Variants in CLDN1 observed in about 807,000 individuals in gnomAD.
CLDN1 encodes claudin-1.
A neutral mutation model predicts 22.6 loss-of-function variants in CLDN1; 12 were observed. That is an observed-to-expected ratio of 0.53 (90% CI 0.34 to 0.86). CLDN1 has a LOEUF of 0.86. Among genes scored for constraint, CLDN1 ranks in the 40% least tolerant of loss-of-function variants. CLDN1 has a pLI of 0.02. For missense variants in CLDN1, 250 were observed against 269.5 expected (o/e 0.93, Z 0.51); for synonymous variants, 99 against 103.8 (o/e 0.95, Z 0.28).
intron 1 of CLDN1, 41 bp downstream of exon 1, chr3:190,321,943 G>C (rs1716932638): frequency 9.9e-6 from 15 of 1,521,494 alleles, no homozygotes; most frequent in Non-Finnish European, 1.4e-5. Flanking sequence ...CAGGGGGACT[G>C]GGGCCTCTGG....
chr3:190,309,053 G>C (rs1716537856), intron 3 of CLDN1, among the ~76,000 whole-genome samples: 1 of 152,100 alleles, frequency 6.6e-6, no homozygotes, highest in African/African-American at 2.4e-5. Flanking sequence ...AGAAGGGTTG[G>C]TTCTATAAGT....
intron 1 of CLDN1, among the ~76,000 whole-genome samples, chr3:190,319,273 T>C (rs1282480165): frequency 6.6e-6 from 1 of 152,186 alleles, no homozygotes; most frequent in Non-Finnish European, 1.5e-5. Context: ...TCTGGCACTT[T>C]TTGTATATTC....
At position 190,306,181 on chromosome 3, in the gene CLDN1, T is replaced by C. The variant is rs1224772520; in HGVS notation, c.*2096A>G. ...ACAGATAGCACCTTATGAGTTATTA[T>C]GATTCAAAAATCTCCCTTGCTGTTG... On this transcript the variant is annotated 3_prime_UTR_variant, in exon 4 of 4. Coordinates refer to ENST00000295522, the MANE Select transcript of CLDN1 (RefSeq NM_021101.5). 6.6e-6 allele frequency: 1 copy of C among 152,200 alleles called. No homozygotes were observed. Among genetic ancestry groups the C allele is most frequent in the Non-Finnish European group, 1.5e-5 (1 of 68,034 alleles). The allele number at this position is 152,200 out of a possible 1,614,324, so 9.4% of individuals were successfully genotyped here.
intron 1 of CLDN1, among the ~76,000 whole-genome samples, chr3:190,313,478 AC>A (rs1461937367): frequency 6.6e-6 from 1 of 152,198 alleles, no homozygotes; most frequent in Non-Finnish European, 1.5e-5. Flanking sequence ...GATATTAGTC[AC>A]CAGCTTTACA....
intron 2 of CLDN1, among the ~76,000 whole-genome samples, chr3:190,312,026 G>T (rs1716634915): frequency 6.6e-6 from 1 of 151,368 alleles, no homozygotes; most frequent in Non-Finnish European, 1.5e-5. Context: ...CGGCTCCCGA[G>T]TTGAGGTGAT....
intron 2 of CLDN1, among the ~76,000 whole-genome samples, chr3:190,311,351 G>C (rs527498553): frequency 1.3e-5 from 2 of 152,212 alleles, no homozygotes; most frequent in East Asian, 1.9e-4. Flanking sequence ...TAAATTATTG[G>C]GAATAAGACA....
intron 1 of CLDN1, among the ~76,000 whole-genome samples, chr3:190,320,288 G>C (rs1456982284): frequency 6.6e-6 from 1 of 152,188 alleles, no homozygotes; most frequent in Non-Finnish European, 1.5e-5. Context: ...ATTTTGATCA[G>C]AGGAATAAAA....
intron 1 of CLDN1, among the ~76,000 whole-genome samples, chr3:190,315,467 A>C (rs1716741105): frequency 6.6e-6 from 1 of 152,168 alleles, no homozygotes; most frequent in African/African-American, 2.4e-5. Context: ...AAGAAGATGG[A>C]TTCTATTCTA....
At chr3:190,312,237 A>C (rs943712290) in intron 2 of CLDN1, among the ~76,000 whole-genome samples, 1 of 152,068 alleles carries the variant, frequency 6.6e-6, no homozygotes, top group African/African-American at 2.4e-5. Flanking sequence ...GGCCTAAAAA[A>C]CACGTATTTA....
rs1309363432 is a variant in CLDN1, at chr3:190,307,969, T to C, written c.*308A>G. 4.5e-6 allele frequency: 1 copy of C among 220,954 alleles called. No individual in the cohort carries two copies. The highest frequency in any genetic ancestry group is 7.5e-5 in the South Asian group (1 of 13,260). The allele number at this position is 220,954 out of a possible 1,614,324, so 13.7% of individuals were successfully genotyped here. A position where few individuals can be genotyped will look rare whatever the true frequency, so the allele number is the denominator to read the frequency against. On this transcript the variant is annotated 3_prime_UTR_variant, in exon 4 of 4. Transcript: ENST00000295522. The stretch of plus-strand genomic sequence containing the variant: ...ACTGTCTATTTTTAATAGAAAAACA[T>C]GTATATATACATATCTATATATATT...
At chr3:190,319,143 A>G (rs1716850318) in intron 1 of CLDN1, among the ~76,000 whole-genome samples, 1 of 152,192 alleles carries the variant, frequency 6.6e-6, no homozygotes. Flanking sequence ...ATTAAAGTCA[A>G]GTAAGAAGAA....
chr3:190,322,307 G>T lies in CLDN1; in HGVS notation c.-101C>A. The T allele has an allele frequency of 1.8e-6, 2 of 1,083,896 alleles. No individual in the cohort carries two copies. The highest frequency in any genetic ancestry group is 1.4e-6 in the Non-Finnish European group (1 of 728,036). The allele number at this position is 1,083,896 out of a possible 1,614,324, so 67.1% of individuals were successfully genotyped here. A position where few individuals can be genotyped will look rare whatever the true frequency, so the allele number is the denominator to read the frequency against. Reference sequence around the variant, plus strand: ...ACTCCCGAAGGTGGCTGGGCCCCGCGGAGGAAGTTAAGGCGGGGAGCCCTG... The same window carrying T: ...ACTCCCGAAGGTGGCTGGGCCCCGCTGAGGAAGTTAAGGCGGGGAGCCCTG... On this transcript the variant is annotated 5_prime_UTR_variant, in exon 1 of 4. Coordinates refer to ENST00000295522, the MANE Select transcript of CLDN1 (RefSeq NM_021101.5).
At position 190,312,878 on chromosome 3, in the gene CLDN1, G is replaced by A. The variant is rs184529311; in HGVS notation, c.382C>T (p.Leu128Phe). Reference protein sequence around the residue: ...MAVIGGAIFLLAGLAILVATA... With the variant: ...MAVIGGAIFLFAGLAILVATA... ...GGGGCACAGCCTCTATTACCTGCAAGAAGAAATATCGCACCCCCAATGACA... is the reference window on the plus strand; with the variant it reads ...GGGGCACAGCCTCTATTACCTGCAAAAAGAAATATCGCACCCCCAATGACA... The change falls in exon 2 of 4, where the codon CTT becomes TTT. Residue 128 changes from leucine (L) to phenylalanine (F), a missense_variant. Physicochemically the swap from Leu to Phe is conservative, Grantham distance 22. Coordinates refer to ENST00000295522, the MANE Select transcript of CLDN1 (RefSeq NM_021101.5). 2.7e-5 allele frequency: 44 copies of A among 1,614,120 alleles called. No individual in the cohort carries two copies. In the Admixed American group the frequency reaches 6.3e-4, roughly 23 times the overall value.
At chr3:190,314,955 G>C (rs745484122) in intron 1 of CLDN1, among the ~76,000 whole-genome samples, 3 of 152,130 alleles carry the variant, frequency 2.0e-5, no homozygotes, top group Non-Finnish European at 4.4e-5. Flanking sequence ...AGGTTTACCA[G>C]GAAGGAACTG....
chr3:190,318,725 C>G (rs369067150), intron 1 of CLDN1, among the ~76,000 whole-genome samples: 12 of 152,336 alleles, frequency 7.9e-5, no homozygotes, highest in South Asian at 2.1e-4. Flanking sequence ...AATGGCCCTT[C>G]GAGTACCCTC....
At chr3:190,321,197 T>C (rs1214969004) in intron 1 of CLDN1, among the ~76,000 whole-genome samples, 1 of 152,190 alleles carries the variant, frequency 6.6e-6, no homozygotes, top group African/African-American at 2.4e-5. Context: ...TGCATTTCCC[T>C]TCAGTGCCTT....
chr3:190,322,121 TG>T lies in CLDN1; in HGVS notation c.85del (p.Gln29SerfsTer13). 1 of 1,614,172 alleles carries T rather than the reference TG, an allele frequency of 6.2e-7. No individual in the cohort carries two copies. Among genetic ancestry groups the T allele is most frequent in the South Asian group, 1.1e-5 (1 of 91,084 alleles). ...GCCGGCATAGGAGTAAATCCTCCAC[TG>T]GGGCAGGGCAGTGCTGACGATGGCG... The part of the protein sequence containing the change: ...IGAIVSTALP[Q>X]WRIYSYAGDN... On this transcript the variant is annotated frameshift_variant, in exon 1 of 4. Coordinates refer to ENST00000295522, the MANE Select transcript of CLDN1 (RefSeq NM_021101.5). LOFTEE classifies it high-confidence loss of function.
intron 1 of CLDN1, among the ~76,000 whole-genome samples, chr3:190,314,533 T>C (rs568813182): frequency 1.3e-5 from 2 of 151,338 alleles, no homozygotes; most frequent in African/African-American, 4.9e-5. Context: ...TAGCTGGGAC[T>C]GCAGGCACGA....
intron 1 of CLDN1, among the ~76,000 whole-genome samples, chr3:190,313,599 T>C (rs1259955461): frequency 2.6e-5 from 4 of 152,274 alleles, no homozygotes; most frequent in Non-Finnish European, 5.9e-5. Flanking sequence ...GTGATGTGAA[T>C]AGGAGGAGTG....
Sources: gnomAD v4.1 joint callset for allele counts (sites outside exome capture counted in the v4.1 genomes callset) on GRCh38, gnomAD v4.1.1 for gene constraint, MANE v1.5 for transcripts, NCBI Gene and HGNC (gene_info 2026-07-23, HGNC 2026-07-21) for gene names.